FLG: variants seen among roughly 807,000 people sequenced by gnomAD.
FLG encodes the protein filaggrin.
FLG carries 6 observed loss-of-function variants against 3.8 expected under a neutral mutation model. The observed-to-expected ratio is 1.60, with a 90% CI of 0.87 to 3.15. The LOEUF (loss-of-function observed/expected upper bound fraction) is 3.15, where lower values mean the gene tolerates loss of function less well. FLG is among the 30% of genes most tolerant of loss of function. The probability of loss-of-function intolerance (pLI) is 0.00; values close to 1 mark genes in which losing one functional copy is unlikely to be tolerated. For synonymous variants in FLG, 2,551 were observed against 1,931.6 expected (o/e 1.32, Z -8.41); for missense variants, 7,595 against 5,050.9 (o/e 1.50, Z -15.27).
rs201782279 is a variant in FLG, at chr1:152,310,338, C to A, written c.4548G>T (p.Gly1516=). 3.1e-6 allele frequency: 5 copies of A among 1,613,830 alleles called. 1 individual carries two copies. The highest frequency in any genetic ancestry group is 2.2e-5 in the South Asian group (2 of 91,064). Residue 1516 remains glycine (G), a synonymous_variant, in exon 3 of 3, where the codon GGG becomes GGT. Coordinates refer to ENST00000368799, the MANE Select transcript of FLG (RefSeq NM_002016.2). ...GGGGTGTGGTGTGGCTGTGATGGTA[C>A]CCTGAGTGTCCAGACCTATCTACTG... is the stretch of plus-strand genomic sequence containing the variant. ...EQSVDRSGHS[G]YHHSHTTPQG...
rs528985626 is a variant in FLG at position 152,305,390 on chromosome 1, G to C, written c.9496C>G (p.Arg3166Gly). Residue 3166 changes from arginine (R) to glycine (G), a missense_variant, in exon 3 of 3, where the codon CGT becomes GGT. Transcript: ENST00000368799. ...SGSRSASRTT[R>G]NEEQSGDSSR... The stretch of plus-strand genomic sequence containing the variant: ...CTGTCTCCTGATTGTTCCTCATTAC[G>C]TGTTGTTCTGCTTGCACTTCTGGAT... 6.2e-7 allele frequency: 1 copy of C among 1,605,916 alleles called. No homozygotes were observed. Among genetic ancestry groups the C allele is most frequent in the Middle Eastern group, 1.7e-4 (1 of 5,918 alleles).
In FLG at chr1:152,302,389, T is replaced by C. The variant is rs1651664856; in HGVS notation, c.*311A>G. The C allele has an allele frequency of 3.0e-6, 1 of 330,088 alleles. No individual in the cohort carries two copies. Among genetic ancestry groups the C allele is most frequent in the Non-Finnish European group, 5.5e-6 (1 of 180,252 alleles). 20.4% of individuals were successfully genotyped at this position (330,088 alleles called of 1,614,324 possible). On this transcript the variant is annotated 3_prime_UTR_variant, in exon 3 of 3. Coordinates refer to ENST00000368799, the MANE Select transcript of FLG (RefSeq NM_002016.2). ...AAGATTAATTTAGAAATTTGGGGAG[T>C]GTCTAAAACTTAAACTTTCAAAAAC...
At position 152,307,374 on chromosome 1, in the gene FLG, G is replaced by A; in HGVS notation, c.7512C>T (p.Ser2504=). 3 of 1,613,202 alleles carry A rather than the reference G, an allele frequency of 1.9e-6. No individual in the cohort carries two copies. Among genetic ancestry groups the A allele is most frequent in the South Asian group, 1.1e-5 (1 of 91,016 alleles). ...CACTTCTGGATCCTGAGTGCCCATG[G>A]GAGGCATCAGACCTTCCCTGGGATG... ...HTTSQGRSDA[S]HGHSGSRSAS... Residue 2504 remains serine, a synonymous_variant, in exon 3 of 3, where the codon TCC becomes TCT. Coordinates refer to ENST00000368799, the MANE Select transcript of FLG (RefSeq NM_002016.2).
rs1444983766 is a variant in FLG at position 152,303,012 on chromosome 1, A to C, written c.11874T>G (p.Tyr3958Ter). ...TTTGCCTTTCAGTGCCCTCAGATTGATAATGATAAGAACTAGAACTGTGAG... is the reference window on the plus strand; with the variant it reads ...TTTGCCTTTCAGTGCCCTCAGATTGCTAATGATAAGAACTAGAACTGTGAG... ...GSPHSSSSYH[Y>*]QSEGTERQKG... The change falls in exon 3 of 3, where the codon TAT (tyrosine) becomes TAG (stop). Residue 3958 changes from tyrosine (Y) to a stop codon, truncating the protein, a stop_gained. Transcript: ENST00000368799. LOFTEE classifies it low-confidence loss of function (END_TRUNC). 3.1e-6 allele frequency: 5 copies of C among 1,614,070 alleles called. No individual in the cohort carries two copies. The South Asian group carries it at 5.5e-5, about 18-fold the overall frequency.
rs776286155 is a variant in FLG at position 152,313,732 on chromosome 1, C to A, written c.1154G>T (p.Gly385Val). 3.7e-5 allele frequency: 59 copies of A among 1,614,012 alleles called. No individual in the cohort carries two copies. In the East Asian group the frequency reaches 1.2e-3, roughly 33 times the overall value. Residue 385 changes from glycine to valine, a missense_variant, in exon 3 of 3, where the codon GGA becomes GTA. By Grantham distance (109) the Gly-to-Val change is moderately radical. Transcript: ENST00000368799. ...QARSSPGERH[G>V]SGHQQSADSS... ...GTCTGCTGACTGCTGGTGGCCGGAT[C>A]CATGTCTTTCTCCTGGACTTGATCT...
rs3120645 is a variant in FLG, at chr1:152,308,138, C to T, written c.6748G>A (p.Glu2250Lys). The T allele has an allele frequency of 5.6e-5, 89 of 1,598,356 alleles. 1 individual carries two copies. The highest frequency in any genetic ancestry group is 6.8e-5 in the Non-Finnish European group (80 of 1,175,144). ...GSSVSQDSDS[E>K]GHSEDSERRS... ...CTCTCAGAATCTTCTGAGTGTCCCTCACTGTCACTGTCCTGGCTAACACTG... is the reference window on the plus strand; with the variant it reads ...CTCTCAGAATCTTCTGAGTGTCCCTTACTGTCACTGTCCTGGCTAACACTG... Residue 2250 changes from glutamate (E) to lysine (K), a missense_variant, in exon 3 of 3, where the codon GAG (glutamate) becomes AAG (lysine). Transcript: ENST00000368799.
At position 152,310,422 on chromosome 1, in the gene FLG, G is replaced by T. The variant is rs1652322264; in HGVS notation, c.4464C>A (p.Thr1488=). The part of the protein sequence containing the change: ...RHSASQDGQD[T]IRGHPGSSRG... ...TGCTTGACCCCGGGTGTCCACGAAT[G>T]GTGTCCTGACCGTCTTGGGATGCTG... The change falls in exon 3 of 3, where the codon ACC becomes ACA. Residue 1488 remains threonine, a synonymous_variant. Transcript: ENST00000368799. 6.2e-7 allele frequency: 1 copy of T among 1,613,342 alleles called. No individual in the cohort carries two copies. Among genetic ancestry groups the T allele is most frequent in the South Asian group, 1.1e-5 (1 of 91,014 alleles).
At position 152,303,603 on chromosome 1, in the gene FLG, G is replaced by A; in HGVS notation, c.11283C>T (p.His3761=). 1 of 1,613,972 alleles carries A rather than the reference G, an allele frequency of 6.2e-7. No individual in the cohort carries two copies. Among genetic ancestry groups the A allele is most frequent in the South Asian group, 1.1e-5 (1 of 91,076 alleles). Residue 3761 remains histidine (H), a synonymous_variant, in exon 3 of 3, where the codon CAC becomes CAT. Transcript: ENST00000368799. ...GTCTTCCTCCTCTCCTTGACCCCGG[G>A]TGTCCACGAATGGTGTCCTGACCCT... is the stretch of plus-strand genomic sequence containing the variant. ...SQEGQDTIRG[H]PGSRRGGRQG...
chr1:152,310,120 C>T lies in FLG; in HGVS notation c.4766G>A (p.Arg1589His), dbSNP rs143520776. The T allele has an allele frequency of 3.1e-4, 506 of 1,613,810 alleles. 3 individuals are homozygous for T. In the South Asian group the frequency reaches 3.1e-3, roughly 10 times the overall value. The part of the protein sequence containing the change: ...GESAGSKTSR[R>H]QGSSVSQDRD... ...GTCCTGACTAACACTGGATCCCTGG[C>T]GCCTGCTTGTCTTGGACCCCGCTGA... is the stretch of plus-strand genomic sequence containing the variant. Residue 1589 changes from arginine to histidine, a missense_variant, in exon 3 of 3, where the codon CGC (arginine) becomes CAC (histidine). Physicochemically the swap from Arg to His is conservative, Grantham distance 29. Coordinates refer to ENST00000368799, the MANE Select transcript of FLG (RefSeq NM_002016.2).
In FLG at chr1:152,314,610, C is replaced by A; in HGVS notation, c.276G>T (p.Glu92Asp). ...GCTTGTGTCCTGATATCGGTAAATT[C>A]TCTTTTCTGGTAGACTCATAATATG... ...AQAYYESTRK[E>D]NLPISGHKHR... Residue 92 changes from glutamate to aspartate, a missense_variant, in exon 3 of 3, where the codon GAG (glutamate) becomes GAT (aspartate). By Grantham distance (45) the Glu-to-Asp change is conservative (BLOSUM62 2). Transcript: ENST00000368799. The A allele has an allele frequency of 6.2e-7, 1 of 1,613,918 alleles. No individual in the cohort carries two copies. The highest frequency in any genetic ancestry group is 1.1e-5 in the South Asian group (1 of 91,076).
chr1:152,303,455 T>A lies in FLG; in HGVS notation c.11431A>T (p.Arg3811Ter), dbSNP rs777048675. The A allele has an allele frequency of 2.1e-5, 34 of 1,614,000 alleles. No homozygotes were observed. The highest frequency in any genetic ancestry group is 2.7e-5 in the Non-Finnish European group (32 of 1,180,024). ...HGQSGSRSAS[R>*]ETRNEEQSGD... is the part of the protein sequence containing the mutation. The stretch of plus-strand genomic sequence containing the variant: ...GACTGTTCCTCATTACGTGTTTCTC[T>A]GCTTGCACTTCTGGATCCTGACTGC... The change falls in exon 3 of 3, where the codon AGA becomes TGA. Residue 3811 changes from arginine to a stop codon, truncating the protein, a stop_gained. Coordinates refer to ENST00000368799, the MANE Select transcript of FLG (RefSeq NM_002016.2). LOFTEE classifies it low-confidence loss of function (END_TRUNC).
In FLG at chr1:152,307,012, T is replaced by G; in HGVS notation, c.7874A>C (p.Gln2625Pro). ...AGTCTGTGTGTGACGAGTGCCTGAT[T>G]GTCTGGAGCTGTCTGCAGAGTGCCC... ...GHGHSADSSR[Q>P]SGTRHTQTSS... Residue 2625 changes from glutamine (Q) to proline (P), a missense_variant, in exon 3 of 3, where the codon CAA (glutamine) becomes CCA (proline). Coordinates refer to ENST00000368799, the MANE Select transcript of FLG (RefSeq NM_002016.2). 12 of 1,593,592 alleles carry G rather than the reference T, an allele frequency of 7.5e-6. No individual in the cohort carries two copies. The highest frequency in any genetic ancestry group is 9.4e-6 in the Non-Finnish European group (11 of 1,173,112).
Position 152,315,480 on chromosome 1 carries a change from A to G in FLG, c.-21-3T>C, listed in dbSNP as rs563018768. On this transcript the variant is annotated splice_polypyrimidine_tract_variant and splice_region_variant and intron_variant, in intron 1 of 2. Transcript: ENST00000368799. Reference sequence around the variant, plus strand: ...ATCTTTTGGCAATAAATGTGAACCTAGAAAGAAGAAATGAAAATGCACTTT... The same window carrying G: ...ATCTTTTGGCAATAAATGTGAACCTGGAAAGAAGAAATGAAAATGCACTTT... 41 of 1,602,120 alleles carry G rather than the reference A, an allele frequency of 2.6e-5. No individual in the cohort carries two copies. The South Asian group carries it at 4.5e-4, about 18-fold the overall frequency.
chr1:152,320,963 A>G (rs1421100961), intron 1 of FLG, among the ~76,000 whole-genome samples: 2 of 150,986 alleles, frequency 1.3e-5, no homozygotes, highest in African/African-American at 2.4e-5. Flanking sequence ...AAAATTAGAA[A>G]ATATTTTGAA....
intron 1 of FLG, among the ~76,000 whole-genome samples, chr1:152,323,823 C>T (rs1041608854): frequency 6.6e-6 from 1 of 151,494 alleles, no homozygotes; most frequent in African/African-American, 2.4e-5. Context: ...AAAAGTAGTA[C>T]ACAAAAAAGT....
chr1:152,308,014 C>T lies in FLG; in HGVS notation c.6872G>A (p.Gly2291Asp), dbSNP rs1233091592. ...HPRSHHEDRA[G>D]HGHSAESSRQ... ...GGAGCTCTCTGCAGAGTGCCCATGACCGGCTCTGTCTTCGTGATGGGACCT... is the reference window on the plus strand; with the variant it reads ...GGAGCTCTCTGCAGAGTGCCCATGATCGGCTCTGTCTTCGTGATGGGACCT... The change falls in exon 3 of 3, where the codon GGT (glycine) becomes GAT (aspartate). Residue 2291 changes from glycine (G) to aspartate (D), a missense_variant. Physicochemically the swap from Gly to Asp is moderately conservative, Grantham distance 94. Coordinates refer to ENST00000368799, the MANE Select transcript of FLG (RefSeq NM_002016.2). The T allele has an allele frequency of 1.9e-6, 3 of 1,614,192 alleles. No individual in the cohort carries two copies. Among genetic ancestry groups the T allele is most frequent in the Non-Finnish European group, 8.5e-7 (1 of 1,180,042 alleles).
intron 2 of FLG, chr1:152,314,985 A>C (rs1273064822): frequency 1.9e-6 from 1 of 524,460 alleles, no homozygotes; most frequent in Non-Finnish European, 3.3e-6. Flanking sequence ...TTATTTTAAA[A>C]GTCAGAAGTG....
Position 152,307,342 on chromosome 1 carries a change from C to G in FLG, c.7544G>C (p.Arg2515Thr). ...HGHSGSRSASRQTRNDEQSGD... is the reference protein window; with the variant it reads ...HGHSGSRSASTQTRNDEQSGD... Reference sequence around the variant, plus strand: ...TGATTGTTCATCGTTACGAGTTTGTCTGCTTGCACTTCTGGATCCTGAGTG... The same window carrying G: ...TGATTGTTCATCGTTACGAGTTTGTGTGCTTGCACTTCTGGATCCTGAGTG... Residue 2515 changes from arginine to threonine, a missense_variant, in exon 3 of 3, where the codon AGA (arginine) becomes ACA (threonine). Transcript: ENST00000368799. 1.2e-6 allele frequency: 2 copies of G among 1,613,086 alleles called. No homozygotes were observed. Among genetic ancestry groups the G allele is most frequent in the Non-Finnish European group, 1.7e-6 (2 of 1,179,702 alleles).
rs1652756317 is a variant in FLG at position 152,315,466 on chromosome 1, A to G, written c.-10T>C. On this transcript the variant is annotated 5_prime_UTR_variant, in exon 2 of 3. Coordinates refer to ENST00000368799, the MANE Select transcript of FLG (RefSeq NM_002016.2). ...CCAGGAGAGTAGACATCTTTTGGCAATAAATGTGAACCTAGAAAGAAGAAA... is the reference window on the plus strand; with the variant it reads ...CCAGGAGAGTAGACATCTTTTGGCAGTAAATGTGAACCTAGAAAGAAGAAA... 1 of 1,609,586 alleles carries G rather than the reference A, an allele frequency of 6.2e-7. No individual in the cohort carries two copies.
Sources: gnomAD v4.1 joint callset for allele counts (sites outside exome capture counted in the v4.1 genomes callset) on GRCh38, gnomAD v4.1.1 for gene constraint, MANE v1.5 for transcripts, NCBI Gene and HGNC (gene_info 2026-07-23, HGNC 2026-07-21) for gene names.